Variants in BACE2 observed in about 807,000 individuals in gnomAD.
The protein encoded by BACE2 is beta-secretase 2, also known as 56 kDa aspartic-like protease.
Under a neutral mutation model 46.2 loss-of-function variants are expected in BACE2, and 17 were observed. The ratio of observed to expected loss-of-function variants is 0.37; its 90% CI spans 0.25 to 0.55. The LOEUF (loss-of-function observed/expected upper bound fraction) is 0.55, where lower values mean the gene tolerates loss of function less well. Ranked by LOEUF, BACE2 falls within the 20% of genes least tolerant of loss-of-function variation. The pLI is 0.82. For missense variants in BACE2, 595 were observed against 698.1 expected (o/e 0.85, Z 1.66); for synonymous variants, 277 against 295.9 (o/e 0.94, Z 0.66).
chr21:41,179,105 G>C, intron 1 of BACE2: 2 of 1,204,478 alleles, frequency 1.7e-6, no homozygotes, highest in Non-Finnish European at 2.2e-6. Flanking sequence ...CAGGGTGACT[G>C]AGGGTGCCAG....
At chr21:41,234,546 T>G (rs1294886061) in intron 2 of BACE2, among the ~76,000 whole-genome samples, 18 of 152,172 alleles carry the variant, frequency 1.2e-4, no homozygotes, top group Admixed American at 1.2e-3. Context: ...ACCTAAAACG[T>G]CTATTATTTG....
At chr21:41,247,134 C>T (rs1445249526) in intron 6 of BACE2, among the ~76,000 whole-genome samples, 2 of 152,058 alleles carry the variant, frequency 1.3e-5, no homozygotes, top group East Asian at 1.9e-4. Context: ...AAAGAGTGGC[C>T]GATAGGAGCA....
intron 8 of BACE2, among the ~76,000 whole-genome samples, chr21:41,262,212 T>C (rs111900312): frequency 2.0e-3 from 302 of 152,318 alleles, no homozygotes; most frequent in Non-Finnish European, 3.4e-3. Flanking sequence ...GTTTTATCTA[T>C]TCCCTAATGA....
intron 1 of BACE2, among the ~76,000 whole-genome samples, chr21:41,197,276 T>G (rs1248070398): frequency 4.3e-5 from 5 of 116,116 alleles, no homozygotes; most frequent in African/African-American, 6.2e-5. Flanking sequence ...GTTTTTTTTG[T>G]TTTTTTTTTT....
chr21:41,234,576 T>G (rs565654143), intron 2 of BACE2, among the ~76,000 whole-genome samples: 1 of 152,364 alleles, frequency 6.6e-6, no homozygotes, highest in Admixed American at 6.5e-5. Flanking sequence ...GGAAAGAAAT[T>G]GCCAACCTCT....
At chr21:41,254,060 C>CA (rs1253648894) in intron 7 of BACE2, among the ~76,000 whole-genome samples, 1 of 152,154 alleles carries the variant, frequency 6.6e-6, no homozygotes, top group African/African-American at 2.4e-5. Context: ...TTCTTGTCCT[C>CA]AGAGTTTTAG....
At chr21:41,211,241 A>G (rs968805646) in intron 1 of BACE2, among the ~76,000 whole-genome samples, 6 of 148,186 alleles carry the variant, frequency 4.0e-5, no homozygotes, top group Non-Finnish European at 7.4e-5. Context: ...GAGCCCAGGT[A>G]TCCATGTGTC....
chr21:41,214,537 G>C (rs188641631), intron 1 of BACE2, among the ~76,000 whole-genome samples: 29 of 152,284 alleles, frequency 1.9e-4, no homozygotes, highest in African/African-American at 7.0e-4. Context: ...ACATCTTCTG[G>C]AATAGATCAT....
intron 8 of BACE2, among the ~76,000 whole-genome samples, chr21:41,274,880 A>G (rs1235250896): frequency 6.6e-6 from 1 of 152,184 alleles, no homozygotes; most frequent in Non-Finnish European, 1.5e-5. Context: ...TGTAGAATCC[A>G]TGGTAGGGAG....
chr21:41,260,869 G>C (rs1271632326), intron 8 of BACE2, among the ~76,000 whole-genome samples: 1 of 152,148 alleles, frequency 6.6e-6, no homozygotes, highest in Non-Finnish European at 1.5e-5. Flanking sequence ...ACCTAGGTTG[G>C]TTGATTTGTT....
intron 1 of BACE2, among the ~76,000 whole-genome samples, chr21:41,197,689 G>A (rs1429410911): frequency 1.3e-5 from 2 of 152,044 alleles, no homozygotes; most frequent in Non-Finnish European, 1.5e-5. Flanking sequence ...CGTACCTTCC[G>A]GTTAGTTTGC....
In BACE2 at chr21:41,276,920, G is replaced by C. The variant is rs2088495940; in HGVS notation, c.*1296G>C. The C allele has an allele frequency of 6.6e-6, 1 of 152,144 alleles. No individual in the cohort carries two copies. The highest frequency in any genetic ancestry group is 1.5e-5 in the Non-Finnish European group (1 of 68,038). The allele number at this position is 152,144 out of a possible 1,614,324, so 9.4% of individuals were successfully genotyped here. The stretch of plus-strand genomic sequence containing the variant: ...TGTGCAGTGGTAGCCTTATTTCGGG[G>C]GGCAGTCCCTACTTTCTGTCACTTA... On this transcript the variant is annotated 3_prime_UTR_variant, in exon 9 of 9. Transcript: ENST00000330333.
intron 1 of BACE2, among the ~76,000 whole-genome samples, chr21:41,199,208 G>A (rs1160570302): frequency 6.6e-6 from 1 of 152,010 alleles, no homozygotes; most frequent in Admixed American, 6.6e-5. Context: ...AGGTCAAGGT[G>A]CTGCCCAGCG....
intron 1 of BACE2, among the ~76,000 whole-genome samples, chr21:41,204,740 A>C (rs775493862): frequency 7.2e-5 from 11 of 152,224 alleles, no homozygotes; most frequent in Non-Finnish European, 1.3e-4. Context: ...TTTGCTGGCC[A>C]TAGAAGCCAA....
intron 1 of BACE2, among the ~76,000 whole-genome samples, chr21:41,191,799 G>T (rs1985578865): frequency 6.6e-6 from 1 of 152,192 alleles, no homozygotes; most frequent in Non-Finnish European, 1.5e-5. Context: ...CACAGAAAGG[G>T]TCATCCTATT....
At chr21:41,269,400 A>G (rs1313672002) in intron 8 of BACE2, among the ~76,000 whole-genome samples, 1 of 152,192 alleles carries the variant, frequency 6.6e-6, no homozygotes, top group Non-Finnish European at 1.5e-5. Context: ...GAAAGGATAC[A>G]GTTTGATAAG....
intron 6 of BACE2, among the ~76,000 whole-genome samples, chr21:41,250,347 T>C (rs1279371240): frequency 6.6e-6 from 1 of 152,142 alleles, no homozygotes; most frequent in Non-Finnish European, 1.5e-5. Context: ...AGAAAGTCCT[T>C]GGGGGCCACA....
At chr21:41,251,467 T>C (rs1449202702) in intron 7 of BACE2, among the ~76,000 whole-genome samples, 1 of 152,230 alleles carries the variant, frequency 6.6e-6, no homozygotes, top group Non-Finnish European at 1.5e-5. Context: ...TTGTCACACC[T>C]ACCACATCAC....
rs116460398 is a variant in BACE2, at chr21:41,171,522, C to T, written c.312+2947C>T. On this transcript the variant is annotated intron_variant, in intron 1 of 8. Transcript: ENST00000330333. Reference sequence around the variant, plus strand: ...CAGGGCCACGTTGGCATGGAGATGACTGCCAGGTTTGCGGCTGATCCCATT... The same window carrying T: ...CAGGGCCACGTTGGCATGGAGATGATTGCCAGGTTTGCGGCTGATCCCATT... Among the ~76,000 whole-genome samples the T allele has an allele frequency of 1.4e-3, 206 of 152,366 alleles. 1 individual carries two copies. Among genetic ancestry groups the T allele is most frequent in the African/African-American group, 4.9e-3 (202 of 41,592 alleles).
Sources: allele counts gnomAD v4.1 joint callset (sites outside exome capture counted in the v4.1 genomes callset), GRCh38; gene constraint gnomAD v4.1.1; transcripts MANE v1.5; gene names NCBI Gene and HGNC (gene_info 2026-07-23, HGNC 2026-07-21).